The following GLIS3 variants were observed in gnomAD, a reference collection of about 807,000 sequenced individuals.
The protein encoded by GLIS3 is zinc finger protein GLIS3.
GLIS3 carries 53 observed loss-of-function variants against 78.6 expected under a neutral mutation model. The ratio of observed to expected loss-of-function variants is 0.67; its 90% CI spans 0.54 to 0.85. GLIS3 has a LOEUF of 0.85. Ranked by LOEUF, GLIS3 falls within the 40% of genes least tolerant of loss-of-function variation. GLIS3 has a pLI of 0.00. For synonymous variants in GLIS3, 684 were observed against 509.9 expected (o/e 1.34, Z -4.60); for missense variants, 1,703 against 1,231.1 (o/e 1.38, Z -5.74).
At chr9:4,136,222 C>T (rs1397071863) in intron 2 of GLIS3, among the ~76,000 whole-genome samples, 2 of 152,252 alleles carry the variant, frequency 1.3e-5, no homozygotes, top group South Asian at 2.1e-4. Flanking sequence ...TAGGAACAAT[C>T]GGATAATGTC....
At chr9:3,933,066 G>A (rs1825711045) in intron 5 of GLIS3, 1 of 218,408 alleles carries the variant, frequency 4.6e-6, no homozygotes, top group African/African-American at 2.3e-5. Context: ...TGTTGAGCCT[G>A]AGTTAAGTGA....
At chr9:3,891,104 AGAGGAGGAG>A (rs1453973606) in intron 7 of GLIS3, among the ~76,000 whole-genome samples, 1 of 149,668 alleles carries the variant, frequency 6.7e-6, no homozygotes, top group Admixed American at 6.7e-5. Flanking sequence ...AGTAGGAGGA[AGAGGAGGAG>A]GAGGAAAAGG....
chr9:4,052,719 T>C (rs1344362642), intron 4 of GLIS3, among the ~76,000 whole-genome samples: 1 of 152,234 alleles, frequency 6.6e-6, no homozygotes, highest in Non-Finnish European at 1.5e-5. Flanking sequence ...TATCCATTCA[T>C]CCACTGATGG....
chr9:4,405,810 A>G, the GLIS3 span, among the ~76,000 whole-genome samples: 1 of 152,236 alleles, frequency 6.6e-6, no homozygotes, highest in African/African-American at 2.4e-5. Context: ...TATTGATACA[A>G]AAATCCTCAA....
the GLIS3 span, among the ~76,000 whole-genome samples, chr9:4,473,466 A>AAAAAAAAAAAAAAAAAAAAAAAG: frequency 1.5e-5 from 2 of 135,416 alleles, no homozygotes; most frequent in Admixed American, 7.8e-5. Flanking sequence ...ACAACAAAAA[A>AAAAAAAAAAAAAAAAAAAAAAAG]AAAGGATCAT....
the GLIS3 span, among the ~76,000 whole-genome samples, chr9:4,468,643 C>T: frequency 3.3e-5 from 5 of 152,278 alleles, no homozygotes; most frequent in Admixed American, 6.5e-5. Flanking sequence ...AAGCACTAAA[C>T]GTGGAAAGGA....
chr9:3,964,607 G>C (rs1246336492), intron 4 of GLIS3, among the ~76,000 whole-genome samples: 2 of 152,164 alleles, frequency 1.3e-5, no homozygotes, highest in Non-Finnish European at 2.9e-5. Flanking sequence ...TCCAGCAGAT[G>C]ATATTTCTAT....
Position 3,856,189 on chromosome 9 carries a change from G to T in GLIS3, c.2298-5C>A. 6.2e-7 allele frequency: 1 copy of T among 1,612,706 alleles called. No homozygotes were observed. Among genetic ancestry groups the T allele is most frequent in the Non-Finnish European group, 8.5e-7 (1 of 1,179,328 alleles). ...GATGGAGCAGAAGGTGCAAACCTGA[G>T]AAAACAATTATAAAAGGAAACATGA... On this transcript the variant is annotated splice_polypyrimidine_tract_variant and splice_region_variant and intron_variant, in intron 8 of 10. Coordinates refer to ENST00000381971, the MANE Select transcript of GLIS3 (RefSeq NM_001042413.2).
chr9:4,472,246 C>G, the GLIS3 span, among the ~76,000 whole-genome samples: 1 of 152,170 alleles, frequency 6.6e-6, no homozygotes, highest in Non-Finnish European at 1.5e-5. Flanking sequence ...ACCCAGCCAT[C>G]CCATTACTGG....
intron 2 of GLIS3, among the ~76,000 whole-genome samples, chr9:4,194,080 T>G (rs12005358): frequency 0.13 from 20,321 of 152,210 alleles, 1,708 homozygotes; most frequent in African/African-American, 0.23. Context: ...TTTGTAGAGA[T>G]GGAGTCTTGC....
Position 3,856,103 on chromosome 9 carries a change from C to G in GLIS3, c.2379G>C (p.Gln793His), listed in dbSNP as rs1287392694. 13 of 1,614,018 alleles carry G rather than the reference C, an allele frequency of 8.1e-6. No homozygotes were observed. Among genetic ancestry groups the G allele is most frequent in the Middle Eastern group, 1.6e-4 (1 of 6,084 alleles). Residue 793 changes from glutamine to histidine, a missense_variant, in exon 9 of 11, where the codon CAG (glutamine) becomes CAC (histidine). Gln to His is a conservative substitution (Grantham distance 24). Coordinates refer to ENST00000381971, the MANE Select transcript of GLIS3 (RefSeq NM_001042413.2). The part of the protein sequence containing the change: ...PAPSSILQRT[Q>H]PPYTQQPSGS... The stretch of plus-strand genomic sequence containing the variant: ...CTGATGGCTGCTGGGTATAGGGAGG[C>G]TGTGTTCTTTGCAGTATTGAAGAAG...
At chr9:4,286,605 T>C in intron 1 of GLIS3, 82 bp from the exon 2 acceptor site, 1 of 715,052 alleles carries the variant, frequency 1.4e-6, no homozygotes, top group South Asian at 1.7e-5. Flanking sequence ...TGTGTATCAT[T>C]CATAAGGAAG....
chr9:4,435,897 C>A, the GLIS3 span, among the ~76,000 whole-genome samples: 6 of 152,132 alleles, frequency 3.9e-5, no homozygotes, highest in East Asian at 1.2e-3. Flanking sequence ...TGCAGTGAGC[C>A]AAGATCGTGC....
At chr9:4,468,674 CA>C in the GLIS3 span, among the ~76,000 whole-genome samples, 1,423 of 152,186 alleles carry the variant, frequency 9.4e-3, 12 homozygotes, top group African/African-American at 0.031. Flanking sequence ...CCAGCCACTG[CA>C]AAAAACATGC....
the GLIS3 span, among the ~76,000 whole-genome samples, chr9:4,429,340 C>T: frequency 6.6e-6 from 1 of 151,988 alleles, no homozygotes; most frequent in Non-Finnish European, 1.5e-5. Context: ...CCCTTATTCC[C>T]CCTTCTCTTG....
At chr9:4,355,324 C>G in the GLIS3 span, among the ~76,000 whole-genome samples, 1 of 152,070 alleles carries the variant, frequency 6.6e-6, no homozygotes, top group Non-Finnish European at 1.5e-5. Flanking sequence ...TGTAAACTTA[C>G]AGGGCTCCTG....
the GLIS3 span, among the ~76,000 whole-genome samples, chr9:4,477,938 C>G: frequency 6.6e-6 from 1 of 152,292 alleles, no homozygotes; most frequent in African/African-American, 2.4e-5. Context: ...TTGTCTCTTG[C>G]TATGAAATAC....
At chr9:4,210,984 T>A (rs148960971) in intron 2 of GLIS3, among the ~76,000 whole-genome samples, 2 of 152,270 alleles carry the variant, frequency 1.3e-5, no homozygotes, top group East Asian at 1.9e-4. Context: ...ATTGATAAAT[T>A]TGGAATCTGT....
chr9:3,927,784 T>C (rs1378048531), intron 6 of GLIS3, among the ~76,000 whole-genome samples: 2 of 152,222 alleles, frequency 1.3e-5, no homozygotes, highest in Non-Finnish European at 2.9e-5. Flanking sequence ...CTGGAAAGCA[T>C]AGCTGGCAGC....
Sources: allele counts gnomAD v4.1 joint callset (sites outside exome capture counted in the v4.1 genomes callset), GRCh38; gene constraint gnomAD v4.1.1; transcripts MANE v1.5; gene names NCBI Gene and HGNC (gene_info 2026-07-23, HGNC 2026-07-21).